TEX101: variants seen among roughly 807,000 people sequenced by gnomAD.
The protein encoded by TEX101 is testis-expressed protein 101.
A neutral mutation model predicts 18.1 loss-of-function variants in TEX101; 10 were observed. The ratio of observed to expected loss-of-function variants is 0.55; its 90% CI spans 0.34 to 0.94. The LOEUF (loss-of-function observed/expected upper bound fraction) is 0.94. TEX101 is among the 40% of genes least tolerant of loss of function. TEX101 has a pLI of 0.02. For synonymous variants in TEX101, 94 were observed against 114.8 expected, an observed-to-expected ratio of 0.82 and a Z score of 1.16; for missense variants, 259 against 298.9, an observed-to-expected ratio of 0.87 and a Z score of 0.98.
chr19:43,397,410 C>T (rs1970276998), upstream of TEX101, among the ~76,000 whole-genome samples: 1 of 151,958 alleles, frequency 6.6e-6, no homozygotes. Context: ...CCAATGCCAC[C>T]ATCCATGACC....
At chr19:43,407,618 G>A (rs559157178) in intron 3 of TEX101, among the ~76,000 whole-genome samples, 49 of 152,232 alleles carry the variant, frequency 3.2e-4, no homozygotes, top group Non-Finnish European at 5.4e-4. Flanking sequence ...AGTACCACAG[G>A]TCCCCAGGTT....
At chr19:43,396,526 G>A (rs1970267539), upstream of TEX101, among the ~76,000 whole-genome samples, 1 of 152,172 alleles carries the variant, frequency 6.6e-6, no homozygotes, top group Non-Finnish European at 1.5e-5. Context: ...CAACTGTCAT[G>A]TGTAACCCCT....
chr19:43,399,042 T>G (rs1970298056), upstream of TEX101, among the ~76,000 whole-genome samples: 1 of 152,254 alleles, frequency 6.6e-6, no homozygotes, highest in Non-Finnish European at 1.5e-5. Flanking sequence ...TTTTGTTCTT[T>G]GACATGACAT....
At position 43,416,514 on chromosome 19, in the gene TEX101, A is replaced by C; in HGVS notation, c.350A>C (p.Lys117Thr). The C allele has an allele frequency of 6.2e-7, 1 of 1,614,086 alleles. No individual in the cohort carries two copies. Among genetic ancestry groups the C allele is most frequent in the Non-Finnish European group, 8.5e-7 (1 of 1,179,988 alleles). ...TGTGAGGATTCCTTCTGTAATGACA[A>C]AGACAGCCTGTCTCAGTTTTGGGAG... ...NYCEDSFCNDKDSLSQFWEFS... is the reference protein window; with the variant it reads ...NYCEDSFCNDTDSLSQFWEFS... Residue 117 changes from lysine (K) to threonine (T), a missense_variant, in exon 4 of 6, where the codon AAA (lysine) becomes ACA (threonine). Transcript: ENST00000598265.
At chr19:43,389,360 G>A in the TEX101 span, among the ~76,000 whole-genome samples, 1 of 152,352 alleles carries the variant, frequency 6.6e-6, no homozygotes, top group South Asian at 2.1e-4. Context: ...AGGAAGCAGA[G>A]GGTGCATGGC....
At chr19:43,406,652 G>A (rs958933827) in intron 3 of TEX101, 1 of 578,870 alleles carries the variant, frequency 1.7e-6, no homozygotes, top group African/African-American at 2.0e-5. Flanking sequence ...AGCTCACCAG[G>A]GGCAGCGCTA....
At position 43,408,089 on chromosome 19, in the gene TEX101, C is replaced by T. The variant is rs536216697; in HGVS notation, c.15+1570C>T. On this transcript the variant is annotated intron_variant, in intron 3 of 7. Coordinates refer to the TEX101 transcript ENST00000602198. The stretch of plus-strand genomic sequence containing the variant: ...CGGGGGTCTCCCGCGTCCCCATACC[C>T]CCACCCCGGCCTCTGGTATGGGAAC... 3.3e-5 allele frequency among the ~76,000 whole-genome samples: 5 copies of T among 152,352 alleles called. No homozygotes were observed. The East Asian group carries it at 9.7e-4, about 29-fold the overall frequency.
chr19:43,391,005 CTT>C, the TEX101 span, among the ~76,000 whole-genome samples: 3 of 152,166 alleles, frequency 2.0e-5, no homozygotes, highest in Non-Finnish European at 2.9e-5. Context: ...GCAAATTTGT[CTT>C]TTTGAGTCTG....
chr19:43,412,274 G>A (rs893630830), upstream of TEX101, among the ~76,000 whole-genome samples: 1 of 152,128 alleles, frequency 6.6e-6, no homozygotes, highest in Admixed American at 6.5e-5. Context: ...GAGCGAGAGA[G>A]AGTAAGAAGG....
chr19:43,391,468 A>G, the TEX101 span, among the ~76,000 whole-genome samples: 11 of 130,460 alleles, frequency 8.4e-5, no homozygotes, highest in Admixed American at 9.3e-5. Context: ...GTGGTATCTC[A>G]CTGTAGTTGT....
the TEX101 span, among the ~76,000 whole-genome samples, chr19:43,388,810 G>A: frequency 6.6e-6 from 1 of 152,316 alleles, no homozygotes; most frequent in South Asian, 2.1e-4. Context: ...CATAAGACAA[G>A]TTTCTTTTAC....
upstream of TEX101, among the ~76,000 whole-genome samples, chr19:43,399,802 A>ATTTTTTTT (rs71169230): frequency 8.8e-6 from 1 of 113,282 alleles, no homozygotes; most frequent in Non-Finnish European, 1.8e-5. Flanking sequence ...CCTATGTCCT[A>ATTTTTTTT]TTTTTTTTTT....
At chr19:43,397,842 AAATATATAATATATATAAATATAT>A (rs1970282109), upstream of TEX101, among the ~76,000 whole-genome samples, 7 of 110,368 alleles carry the variant, frequency 6.3e-5, no homozygotes, top group African/African-American at 1.0e-4. Flanking sequence ...TATTTTATAT[AAATATATAATATATATAAATATAT>A]AATATATAAA....
upstream of TEX101, among the ~76,000 whole-genome samples, chr19:43,412,149 G>A (rs1187768865): frequency 6.6e-6 from 1 of 152,216 alleles, no homozygotes; most frequent in Admixed American, 6.5e-5. Flanking sequence ...TAAGAAAAGA[G>A]GTTTGATTGG....
chr19:43,408,341 G>A (rs902059249), intron 3 of TEX101, among the ~76,000 whole-genome samples: 1 of 152,196 alleles, frequency 6.6e-6, no homozygotes, highest in Non-Finnish European at 1.5e-5. Flanking sequence ...AAGGCACGTC[G>A]GAGGGTGGCC....
At chr19:43,409,131 G>C (rs1290811506) in intron 3 of TEX101, among the ~76,000 whole-genome samples, 2 of 152,204 alleles carry the variant, frequency 1.3e-5, no homozygotes, top group Non-Finnish European at 2.9e-5. Flanking sequence ...AGTAGGTTCA[G>C]AGAAACTTCA....
At chr19:43,396,860 G>A (rs1007415770), upstream of TEX101, among the ~76,000 whole-genome samples, 2 of 128,162 alleles carry the variant, frequency 1.6e-5, no homozygotes, top group African/African-American at 5.9e-5. Flanking sequence ...TTTTTGAGAC[G>A]GAGTCTCGCT....
the TEX101 span, among the ~76,000 whole-genome samples, chr19:43,392,564 C>T: frequency 6.6e-5 from 10 of 151,864 alleles, no homozygotes; most frequent in South Asian, 6.3e-4. Context: ...CAAAAGAGCA[C>T]CCAAGAGGAG....
chr19:43,411,133 G>GT (rs1970415703), upstream of TEX101, among the ~76,000 whole-genome samples: 1 of 152,170 alleles, frequency 6.6e-6, no homozygotes, highest in South Asian at 2.1e-4. Flanking sequence ...CTGCAGTGCA[G>GT]TAGCACAATC....
Sources: gnomAD v4.1 joint callset for allele counts (sites outside exome capture counted in the v4.1 genomes callset) on GRCh38, gnomAD v4.1.1 for gene constraint, MANE v1.5 for transcripts, NCBI Gene and HGNC (gene_info 2026-07-23, HGNC 2026-07-21) for gene names.